The following DNAJC6 variants were observed in gnomAD, a reference collection of about 807,000 sequenced individuals.
DNAJC6 encodes the protein auxilin.
Under a neutral mutation model 110.0 loss-of-function variants are expected in DNAJC6, and 34 were observed. That is an observed-to-expected ratio of 0.31 (90% CI 0.24 to 0.41). DNAJC6 has a LOEUF of 0.41. DNAJC6 is among the 10% of genes least tolerant of loss of function. The pLI, the probability that DNAJC6 is intolerant of heterozygous loss-of-function variation, is 1.00. For missense variants in DNAJC6, 1,031 were observed against 1,207.8 expected (o/e 0.85, Z 2.17); for synonymous variants, 406 against 437.2 (o/e 0.93, Z 0.89).
In DNAJC6 at chr1:65,413,051, C is replaced by T. The variant is rs766005178; in HGVS notation, c.*26C>T. On this transcript the variant is annotated 3_prime_UTR_variant, in exon 19 of 19. Transcript: ENST00000371069. ...TTTATGAGCTTTTCCATCTCTGCTGCAGACCTGTGCTAATGCTTAGTGTGT... is the reference window on the plus strand; with the variant it reads ...TTTATGAGCTTTTCCATCTCTGCTGTAGACCTGTGCTAATGCTTAGTGTGT... The T allele has an allele frequency of 3.1e-6, 5 of 1,597,620 alleles. No homozygotes were observed. Among genetic ancestry groups the T allele is most frequent in the Admixed American group, 3.4e-5 (2 of 59,650 alleles).
upstream of DNAJC6, among the ~76,000 whole-genome samples, chr1:65,306,120 T>G (rs569931927): frequency 1.3e-5 from 2 of 149,968 alleles, no homozygotes; most frequent in East Asian, 4.0e-4. Flanking sequence ...CTTTGTTGGC[T>G]CACTGCAAGC....
At chr1:65,328,674 A>G (rs755221971) in intron 1 of DNAJC6, among the ~76,000 whole-genome samples, 1 of 152,148 alleles carries the variant, frequency 6.6e-6, no homozygotes, top group Non-Finnish European at 1.5e-5. Context: ...AAAGTACTTG[A>G]CCCCAATGGG....
At chr1:65,335,108 C>CT (rs71056100) in intron 1 of DNAJC6, among the ~76,000 whole-genome samples, 25,199 of 142,810 alleles carry the variant, frequency 0.18, 2,376 homozygotes, top group South Asian at 0.26. Flanking sequence ...CTATGTCTGT[C>CT]TTTTTTTTTT....
At chr1:65,389,185 A>C in intron 9 of DNAJC6, 71 bp from the exon 10 acceptor site, 1 of 1,393,116 alleles carries the variant, frequency 7.2e-7, no homozygotes, top group Non-Finnish European at 9.9e-7. Flanking sequence ...ACCTAAGATG[A>C]CTTCTGTGCC....
At chr1:65,361,964 GA>G (rs982336151) in intron 1 of DNAJC6, among the ~76,000 whole-genome samples, 2 of 151,964 alleles carry the variant, frequency 1.3e-5, no homozygotes, top group Admixed American at 6.6e-5. Context: ...AAAAGTAAGT[GA>G]AAAAAATAAA....
At chr1:65,387,828 G>A (rs1389198505) in intron 8 of DNAJC6, among the ~76,000 whole-genome samples, 1 of 152,182 alleles carries the variant, frequency 6.6e-6, no homozygotes, top group Non-Finnish European at 1.5e-5. Context: ...CATTGCTGAG[G>A]TTTTTAGGAT....
At chr1:65,271,040 T>C (rs1653488453) in intron 1 of DNAJC6, among the ~76,000 whole-genome samples, 1 of 152,196 alleles carries the variant, frequency 6.6e-6, no homozygotes, top group South Asian at 2.1e-4. Context: ...AGCATAACTG[T>C]TGAGGGCCCC....
chr1:65,306,953 ACTCTCTCTCTCAATCTGTTTCTCTCT>A (rs1645044751), upstream of DNAJC6, among the ~76,000 whole-genome samples: 3 of 127,728 alleles, frequency 2.3e-5, no homozygotes, highest in African/African-American at 8.9e-5. Context: ...GTTAAGTACT[ACTCTCTCTCTCAATCTGTTTCTCTCT>A]CTCTCTCTCT....
chr1:65,324,402 C>T (rs575996864), intron 1 of DNAJC6, among the ~76,000 whole-genome samples: 35 of 152,038 alleles, frequency 2.3e-4, no homozygotes, highest in African/African-American at 8.4e-4. Context: ...CCCTGTTGCC[C>T]AGGCTGGAGT....
In DNAJC6 at chr1:65,414,347, T is replaced by C. The variant is rs1390353223; in HGVS notation, c.*1322T>C. On this transcript the variant is annotated 3_prime_UTR_variant, in exon 19 of 19. Coordinates refer to ENST00000371069, the MANE Select transcript of DNAJC6 (RefSeq NM_001256864.2). ...CTATTCTGTGACTTTAGTAGATCTCTTTTGTGTGCACATATACAATGTGCA... is the reference window on the plus strand; with the variant it reads ...CTATTCTGTGACTTTAGTAGATCTCCTTTGTGTGCACATATACAATGTGCA... 6.6e-6 allele frequency: 1 copy of C among 152,652 alleles called. No homozygotes were observed. Among genetic ancestry groups the C allele is most frequent in the African/African-American group, 2.4e-5 (1 of 41,456 alleles). 9.5% of individuals were successfully genotyped at this position (152,652 alleles called of 1,614,324 possible). A position where few individuals can be genotyped will look rare whatever the true frequency, so the allele number is the denominator to read the frequency against.
intron 1 of DNAJC6, among the ~76,000 whole-genome samples, chr1:65,291,502 C>T (rs775092870): frequency 2.0e-5 from 3 of 152,062 alleles, no homozygotes; most frequent in African/African-American, 4.8e-5. Context: ...TGCAGAAGGA[C>T]CTAATTAAAT....
intron 1 of DNAJC6, among the ~76,000 whole-genome samples, chr1:65,352,482 C>T (rs1312578018): frequency 1.3e-5 from 2 of 152,184 alleles, no homozygotes; most frequent in Non-Finnish European, 2.9e-5. Flanking sequence ...GAATTGACCT[C>T]TTTGAGACAC....
chr1:65,401,663 T>A, intron 14 of DNAJC6, 98 bp from the exon 15 acceptor site: 1 of 1,498,748 alleles, frequency 6.7e-7, no homozygotes. Flanking sequence ...TGTCCTAATT[T>A]GCCTAGGAGA....
At chr1:65,300,830 C>T (rs1421426089) in intron 1 of DNAJC6, among the ~76,000 whole-genome samples, 1 of 152,172 alleles carries the variant, frequency 6.6e-6, no homozygotes, top group East Asian at 1.9e-4. Context: ...ATTTGTTCCA[C>T]CTGTGTCTGG....
At chr1:65,270,549 G>A (rs1048149967) in intron 1 of DNAJC6, among the ~76,000 whole-genome samples, 4 of 152,152 alleles carry the variant, frequency 2.6e-5, no homozygotes, top group African/African-American at 9.7e-5. Flanking sequence ...AGATTGAGCT[G>A]AGTATAAATT....
At chr1:65,277,943 G>A (rs537822695) in intron 1 of DNAJC6, among the ~76,000 whole-genome samples, 3 of 152,370 alleles carry the variant, frequency 2.0e-5, no homozygotes, top group East Asian at 3.9e-4. Context: ...TCTGGTGAAG[G>A]AAAGGTAAAT....
intron 4 of DNAJC6, among the ~76,000 whole-genome samples, chr1:65,373,023 A>G (rs1056830027): frequency 3.9e-5 from 6 of 152,078 alleles, no homozygotes; most frequent in Non-Finnish European, 8.8e-5. Flanking sequence ...CATGAGATCC[A>G]CATTTTTAGT....
intron 13 of DNAJC6, among the ~76,000 whole-genome samples, chr1:65,397,674 A>G (rs913088739): frequency 6.6e-6 from 1 of 152,206 alleles, no homozygotes; most frequent in Non-Finnish European, 1.5e-5. Flanking sequence ...GACTAGGATC[A>G]GAGCTTAAAG....
At chr1:65,269,052 C>A (rs1332576334) in intron 1 of DNAJC6, among the ~76,000 whole-genome samples, 1 of 152,044 alleles carries the variant, frequency 6.6e-6, no homozygotes, top group Non-Finnish European at 1.5e-5. Context: ...CAAAGTTACA[C>A]ATAACATTTT....
Sources: gnomAD v4.1 joint callset for allele counts (sites outside exome capture counted in the v4.1 genomes callset) on GRCh38, gnomAD v4.1.1 for gene constraint, MANE v1.5 for transcripts, NCBI Gene and HGNC (gene_info 2026-07-23, HGNC 2026-07-21) for gene names.